NRP1: variants seen among roughly 807,000 people sequenced by gnomAD.
The protein encoded by NRP1 is neuropilin-1.
A neutral mutation model predicts 106.7 loss-of-function variants in NRP1; 35 were observed. The observed-to-expected ratio is 0.33, with a 90% CI of 0.25 to 0.43. The LOEUF (loss-of-function observed/expected upper bound fraction) is 0.43. NRP1 is among the 20% of genes least tolerant of loss of function. NRP1 has a pLI of 1.00. For synonymous variants in NRP1, 437 were observed against 417.9 expected (o/e 1.05, Z -0.56); for missense variants, 1,024 against 1,170.4 (o/e 0.87, Z 1.83).
chr10:33,219,774 T>C (rs947224109), intron 8 of NRP1, among the ~76,000 whole-genome samples: 5 of 152,060 alleles, frequency 3.3e-5, no homozygotes, highest in African/African-American at 9.7e-5. Flanking sequence ...AATTCAGAAT[T>C]TTGACTAACA....
intron 6 of NRP1, among the ~76,000 whole-genome samples, chr10:33,245,223 TC>T (rs1841328245): frequency 6.6e-6 from 1 of 152,220 alleles, no homozygotes; most frequent in Non-Finnish European, 1.5e-5. Flanking sequence ...AATTTTAGGA[TC>T]TTTTACGCCA....
At chr10:33,281,997 A>T (rs1391865392) in intron 2 of NRP1, among the ~76,000 whole-genome samples, 1 of 152,242 alleles carries the variant, frequency 6.6e-6, no homozygotes, top group African/African-American at 2.4e-5. Flanking sequence ...ATATGACCAT[A>T]GCCTGATATT....
intron 6 of NRP1, among the ~76,000 whole-genome samples, chr10:33,247,157 A>G (rs1841486694): frequency 1.3e-5 from 2 of 152,220 alleles, no homozygotes. Flanking sequence ...AACTTTAAAG[A>G]TAAAACAAGG....
chr10:33,195,694 T>C (rs1202768855), intron 12 of NRP1: 2 of 418,184 alleles, frequency 4.8e-6, no homozygotes, highest in Admixed American at 3.0e-5. Flanking sequence ...ATTCTGGGCA[T>C]TGACTTAGCC....
In NRP1 at chr10:33,180,377, A is replaced by G. The variant is rs755214840; in HGVS notation, c.2483-12T>C. ...TCCTGGCGTGCTCCCTATGGAAAAA[A>G]ACAATATTGTCTCCGTGAGCACCGC... On this transcript the variant is annotated splice_polypyrimidine_tract_variant and intron_variant, in intron 16 of 16. Transcript: ENST00000374867. The G allele has an allele frequency of 6.4e-7, 1 of 1,567,308 alleles. No homozygotes were observed. Among genetic ancestry groups the G allele is most frequent in the South Asian group, 1.2e-5 (1 of 84,608 alleles).
chr10:33,218,903 G>T (rs1157922418), intron 8 of NRP1, among the ~76,000 whole-genome samples: 1 of 152,078 alleles, frequency 6.6e-6, no homozygotes, highest in East Asian at 1.9e-4. Flanking sequence ...TATGTTCCAG[G>T]CATACAGGAC....
chr10:33,186,492 C>A lies in NRP1; in HGVS notation c.2063-4G>T, dbSNP rs751059708. On this transcript the variant is annotated splice_polypyrimidine_tract_variant and splice_region_variant and intron_variant, in intron 13 of 16. Coordinates refer to ENST00000374867, the MANE Select transcript of NRP1 (RefSeq NM_003873.7). ...GAATAGATGAAGTTGCCATCTCCTG[C>A]TGTGACAAAGAACTGTGTTAGGGAG... The A allele has an allele frequency of 6.2e-7, 1 of 1,606,666 alleles. No individual in the cohort carries two copies. Among genetic ancestry groups the A allele is most frequent in the African/African-American group, 1.3e-5 (1 of 75,002 alleles).
chr10:33,241,066 A>T (rs1276402943), intron 6 of NRP1, among the ~76,000 whole-genome samples: 2 of 152,258 alleles, frequency 1.3e-5, no homozygotes, highest in Non-Finnish European at 2.9e-5. Context: ...ATGACTCTCC[A>T]AGAAAATCTT....
In NRP1 at chr10:33,268,512, G is replaced by A. The variant is rs186053157; in HGVS notation, c.430+2163C>T. On this transcript the variant is annotated intron_variant, in intron 3 of 16. Coordinates refer to ENST00000374867, the MANE Select transcript of NRP1 (RefSeq NM_003873.7). ...AGAATGGGCTTGGAGAGCAGGATAG[G>A]AAGCTTTGCTACATCTGAGACTAAC... 3.2e-3 allele frequency among the ~76,000 whole-genome samples: 488 copies of A among 152,326 alleles called. 3 individuals are homozygous for A. The highest frequency in any genetic ancestry group is 3.7e-3 in the Admixed American group (56 of 15,298).
intron 12 of NRP1, among the ~76,000 whole-genome samples, chr10:33,196,809 C>G (rs899587906): frequency 6.6e-6 from 1 of 152,166 alleles, no homozygotes; most frequent in East Asian, 1.9e-4. Context: ...ATAGAGGAAA[C>G]ATTGATATAC....
At chr10:33,231,412 C>A (rs1343529430) in intron 6 of NRP1, among the ~76,000 whole-genome samples, 1 of 152,148 alleles carries the variant, frequency 6.6e-6, no homozygotes, top group Non-Finnish European at 1.5e-5. Context: ...AGTTTCTTTT[C>A]CCATGCAAAG....
intron 10 of NRP1, chr10:33,206,221 C>T (rs1398378680): frequency 1.9e-6 from 1 of 519,042 alleles, no homozygotes; most frequent in Non-Finnish European, 3.8e-6. Flanking sequence ...GACTCCTTTT[C>T]CAGATGACCA....
chr10:33,218,995 A>G (rs537916556), intron 8 of NRP1, among the ~76,000 whole-genome samples: 1 of 152,256 alleles, frequency 6.6e-6, no homozygotes, highest in Admixed American at 6.5e-5. Flanking sequence ...TCCTTTCATT[A>G]ATCTCTACTC....
At chr10:33,210,273 C>T (rs546711228) in intron 9 of NRP1, among the ~76,000 whole-genome samples, 10 of 151,868 alleles carry the variant, frequency 6.6e-5, no homozygotes, top group African/African-American at 2.4e-4. Context: ...GTAATTGAGA[C>T]TCTGACACAT....
chr10:33,197,069 CT>C (rs1441466306), intron 12 of NRP1, among the ~76,000 whole-genome samples: 1 of 152,174 alleles, frequency 6.6e-6, no homozygotes, highest in African/African-American at 2.4e-5. Context: ...TGACTGGCCC[CT>C]GATCGACAGC....
intron 2 of NRP1, among the ~76,000 whole-genome samples, chr10:33,295,981 C>T (rs933883458): frequency 6.6e-6 from 1 of 152,144 alleles, no homozygotes; most frequent in Non-Finnish European, 1.5e-5. Context: ...TCAGTCATCA[C>T]ACCAAATTAA....
chr10:33,209,757 G>A (rs1838143135), intron 9 of NRP1, among the ~76,000 whole-genome samples: 3 of 152,244 alleles, frequency 2.0e-5, no homozygotes. Flanking sequence ...GATTATAGGC[G>A]TGAGCCTTCG....
At chr10:33,246,532 C>T (rs1199135798) in intron 6 of NRP1, among the ~76,000 whole-genome samples, 1 of 151,884 alleles carries the variant, frequency 6.6e-6, no homozygotes, top group African/African-American at 2.4e-5. Flanking sequence ...AATTGTCTTC[C>T]TTCCAGATGA....
chr10:33,284,572 C>CT (rs1242711165), intron 2 of NRP1, among the ~76,000 whole-genome samples: 1 of 151,876 alleles, frequency 6.6e-6, no homozygotes, highest in East Asian at 1.9e-4. Flanking sequence ...TTCATTAATT[C>CT]TTTTTTTTCC....
Sources: gnomAD v4.1 joint callset for allele counts (sites outside exome capture counted in the v4.1 genomes callset) on GRCh38, gnomAD v4.1.1 for gene constraint, MANE v1.5 for transcripts, NCBI Gene and HGNC (gene_info 2026-07-23, HGNC 2026-07-21) for gene names.